The following SELP variants were observed in gnomAD, a reference collection of about 807,000 sequenced individuals.
SELP encodes the protein selectin P.
A neutral mutation model predicts 104.1 loss-of-function variants in SELP; 92 were observed. The observed-to-expected ratio is 0.88, with a 90% CI of 0.75 to 1.05. SELP has a LOEUF of 1.05. Ranked by LOEUF, SELP falls within the 50% of genes least tolerant of loss-of-function variation. The pLI is 0.00. For missense variants in SELP, 1,022 were observed against 1,017.3 expected (o/e 1.00, Z -0.06); for synonymous variants, 397 against 364.5 (o/e 1.09, Z -1.01).
At chr1:169,616,981 G>T in intron 3 of SELP, 47 bp downstream of exon 3, 1 of 1,492,458 alleles carries the variant, frequency 6.7e-7, no homozygotes, top group Non-Finnish European at 9.0e-7. Flanking sequence ...GAGAAGGCAG[G>T]GTTTTTTTTT....
Position 169,619,133 on chromosome 1 carries a change from G to A in SELP, c.90C>T (p.Ile30=), listed in dbSNP as rs558249236. ...ISQLLCFSAL[I]SELTNQKEVA... ...AAAAGTTAGCATAAAGTTTACCAGA[G>A]ATCAGGGCACTGAAGCAAAGGAGTT... The change falls in exon 2 of 17, where the codon ATC becomes ATT. Residue 30 remains isoleucine, a synonymous_variant. Transcript: ENST00000263686. 6.2e-7 allele frequency: 1 copy of A among 1,611,996 alleles called. No individual in the cohort carries two copies. The highest frequency in any genetic ancestry group is 1.3e-5 in the African/African-American group (1 of 74,998).
Position 169,609,664 on chromosome 1 carries a change from A to T in SELP, c.1173T>A (p.Ser391Arg). The T allele has an allele frequency of 6.2e-7, 1 of 1,613,398 alleles. No individual in the cohort carries two copies. Among genetic ancestry groups the T allele is most frequent in the Non-Finnish European group, 8.5e-7 (1 of 1,179,730 alleles). The change falls in exon 8 of 17, where the codon AGT becomes AGA. Residue 391 changes from serine to arginine, a missense_variant. Transcript: ENST00000263686. ...CEAISCEPLESPVHGSMDCSP... is the reference protein window; with the variant it reads ...CEAISCEPLERPVHGSMDCSP... Reference sequence around the variant, plus strand: ...AGCAATCCATGCTTCCGTGGACAGGACTCTCCAGCGGCTCACACGAAATAG... The same window carrying T: ...AGCAATCCATGCTTCCGTGGACAGGTCTCTCCAGCGGCTCACACGAAATAG...
intron 9 of SELP, among the ~76,000 whole-genome samples, chr1:169,604,426 C>T (rs1662082937): frequency 6.6e-6 from 1 of 152,060 alleles, no homozygotes; most frequent in Admixed American, 6.6e-5. Context: ...ATGGTAGTTT[C>T]TTTTGCTGTG....
intron 2 of SELP, among the ~76,000 whole-genome samples, chr1:169,617,675 T>A (rs1662891698): frequency 6.6e-6 from 1 of 152,214 alleles, no homozygotes; most frequent in Admixed American, 6.5e-5. Flanking sequence ...TCATAAGATA[T>A]CAAAGTTAGG....
intron 2 of SELP, 107 bp from the exon 3 acceptor site, chr1:169,617,521 A>T: frequency 8.6e-7 from 1 of 1,161,198 alleles, no homozygotes; most frequent in East Asian, 2.4e-5. Flanking sequence ...CCAGAACATT[A>T]ATACACAAAA....
chr1:169,615,819 G>C (rs1330931626), intron 3 of SELP, among the ~76,000 whole-genome samples: 1 of 152,210 alleles, frequency 6.6e-6, no homozygotes, highest in East Asian at 1.9e-4. Flanking sequence ...TAGAAGGCTT[G>C]CTTTATTCTG....
Position 169,613,514 on chromosome 1 carries a change from C to T in SELP, c.589+72G>A, listed in dbSNP as rs139020719. 114 of 1,187,390 alleles carry T rather than the reference C, an allele frequency of 9.6e-5. No homozygotes were observed. The Middle Eastern group carries it at 1.8e-3, about 19-fold the overall frequency. 73.6% of individuals were successfully genotyped at this position (1,187,390 alleles called of 1,614,324 possible). A position where few individuals can be genotyped will look rare whatever the true frequency, so the allele number is the denominator to read the frequency against. On this transcript the variant is annotated intron_variant, in intron 4 of 16. Coordinates refer to ENST00000263686, the MANE Select transcript of SELP (RefSeq NM_003005.4). ...CCTATTCTCACTGGAGAGACTTCAA[C>T]ATGATTTATTTACTTCTTGGCATCA...
intron 1 of SELP, among the ~76,000 whole-genome samples, chr1:169,629,591 G>T (rs2101942162): frequency 6.6e-6 from 1 of 152,298 alleles, no homozygotes; most frequent in East Asian, 1.9e-4. Context: ...GGAGGGATGG[G>T]GATGAGAAAC....
chr1:169,629,994 A>G, intron 1 of SELP, 78 bp downstream of exon 1: 1 of 1,585,980 alleles, frequency 6.3e-7, no homozygotes, highest in Non-Finnish European at 8.7e-7. Flanking sequence ...CACTTTCTGA[A>G]CCTTTACCTG....
chr1:169,591,274 C>T (rs999335619), intron 15 of SELP, 152 bp downstream of exon 15: 5 of 468,048 alleles, frequency 1.1e-5, no homozygotes, highest in Middle Eastern at 1.0e-3. Context: ...TATTTGTTAT[C>T]TGTGTATTTT....
intron 1 of SELP, among the ~76,000 whole-genome samples, chr1:169,625,179 G>T (rs1663316687): frequency 6.6e-6 from 1 of 152,124 alleles, no homozygotes; most frequent in African/African-American, 2.4e-5. Context: ...CAAACCAAAT[G>T]AAGACTTTCC....
chr1:169,629,770 A>G (rs1663545697), intron 1 of SELP, among the ~76,000 whole-genome samples: 1 of 152,218 alleles, frequency 6.6e-6, no homozygotes, highest in Non-Finnish European at 1.5e-5. Context: ...GCGGAGCCAG[A>G]GGACAGGCCC....
chr1:169,608,954 G>A (rs962079395), intron 8 of SELP, among the ~76,000 whole-genome samples: 2 of 152,106 alleles, frequency 1.3e-5, no homozygotes, highest in African/African-American at 4.8e-5. Flanking sequence ...GGATCATTTT[G>A]TCAAATCAGA....
intron 7 of SELP, 135 bp from the exon 8 acceptor site, chr1:169,609,824 A>C: frequency 3.9e-6 from 3 of 775,946 alleles, no homozygotes; most frequent in Non-Finnish European, 2.0e-6. Flanking sequence ...CATTTTCCAA[A>C]AGAGAGACTG....
intron 3 of SELP, among the ~76,000 whole-genome samples, chr1:169,615,537 G>C (rs1383258896): frequency 6.6e-6 from 1 of 152,114 alleles, no homozygotes; most frequent in Non-Finnish European, 1.5e-5. Context: ...GGGAAGTAGT[G>C]GCATATTGAA....
chr1:169,619,101 C>A, intron 2 of SELP, 28 bp downstream of exon 2: 1 of 1,569,546 alleles, frequency 6.4e-7, no homozygotes, highest in East Asian at 2.2e-5. Flanking sequence ...TTACTTAGGC[C>A]TAAGTGAAAA....
At chr1:169,590,288 C>A in intron 15 of SELP, 86 bp from the exon 16 acceptor site, 1 of 946,574 alleles carries the variant, frequency 1.1e-6, no homozygotes, top group South Asian at 1.4e-5. Context: ...CCAGAAACCA[C>A]AAATTACCAT....
At position 169,603,009 on chromosome 1, in the gene SELP, A is replaced by G; in HGVS notation, c.1705+17T>C. 6.3e-7 allele frequency: 1 copy of G among 1,599,922 alleles called. No individual in the cohort carries two copies. Among genetic ancestry groups the G allele is most frequent in the Admixed American group, 1.7e-5 (1 of 59,470 alleles). ...GTCATCTTTAAAGCCATAAGAAAGG[A>G]CAGACCCACAGCCTACCTTCACACA... On this transcript the variant is annotated intron_variant, in intron 10 of 16. Coordinates refer to ENST00000263686, the MANE Select transcript of SELP (RefSeq NM_003005.4).
chr1:169,616,899 A>C (rs1662839811), intron 3 of SELP, 129 bp downstream of exon 3: 1 of 995,874 alleles, frequency 1.0e-6, no homozygotes, highest in East Asian at 2.4e-5. Flanking sequence ...TGATTGACTA[A>C]CAATTTACCC....
Sources: gnomAD v4.1 joint callset for allele counts (sites outside exome capture counted in the v4.1 genomes callset) on GRCh38, gnomAD v4.1.1 for gene constraint, MANE v1.5 for transcripts, NCBI Gene and HGNC (gene_info 2026-07-23, HGNC 2026-07-21) for gene names.